DSP: variants seen among roughly 807,000 people sequenced by gnomAD.
DSP encodes 250/210 kDa paraneoplastic pemphigus antigen.
DSP carries 114 observed loss-of-function variants against 290.6 expected under a neutral mutation model. The ratio of observed to expected loss-of-function variants is 0.39; its 90% CI spans 0.34 to 0.46. The LOEUF (loss-of-function observed/expected upper bound fraction) is 0.46. Ranked by LOEUF, DSP falls within the 20% of genes least tolerant of loss-of-function variation. The pLI is 0.99. For missense variants in DSP, 3,230 were observed against 3,495.8 expected (o/e 0.92, Z 1.92); for synonymous variants, 1,311 against 1,316.4 (o/e 1.00, Z 0.09).
chr6:7,545,156 T>A (rs990414538), intron 1 of DSP, among the ~76,000 whole-genome samples: 2 of 152,240 alleles, frequency 1.3e-5, no homozygotes, highest in Admixed American at 6.5e-5. Context: ...GGTTATAATA[T>A]TAATGCTTAT....
intron 4 of DSP, among the ~76,000 whole-genome samples, chr6:7,561,096 C>T (rs956742082): frequency 2.0e-5 from 3 of 151,970 alleles, no homozygotes; most frequent in Non-Finnish European, 2.9e-5. Context: ...GGACTACAGG[C>T]GTGTGCCACC....
intron 4 of DSP, among the ~76,000 whole-genome samples, chr6:7,560,230 G>A (rs985183275): frequency 2.0e-5 from 3 of 152,306 alleles, no homozygotes; most frequent in Admixed American, 6.5e-5. Context: ...TTGTAAGAAA[G>A]CTTGGTTTGA....
intron 1 of DSP, among the ~76,000 whole-genome samples, chr6:7,549,977 G>GT (rs577152256): frequency 1.9e-4 from 29 of 150,192 alleles, no homozygotes; most frequent in African/African-American, 7.0e-4. Context: ...TATTTGTCTT[G>GT]TTTTTTTGTG....
intron 4 of DSP, among the ~76,000 whole-genome samples, chr6:7,560,461 T>A (rs1758645698): frequency 6.6e-6 from 1 of 152,142 alleles, no homozygotes; most frequent in African/African-American, 2.4e-5. Context: ...TAAATACAAA[T>A]CTATTTGTAT....
intron 6 of DSP, among the ~76,000 whole-genome samples, chr6:7,564,684 T>C (rs1238107954): frequency 6.6e-6 from 1 of 152,214 alleles, no homozygotes; most frequent in African/African-American, 2.4e-5. Context: ...ATATTTGTAA[T>C]GTTCCCAACA....
intron 15 of DSP, among the ~76,000 whole-genome samples, chr6:7,573,429 T>A (rs1204399586): frequency 6.6e-6 from 1 of 151,954 alleles, no homozygotes; most frequent in Non-Finnish European, 1.5e-5. Flanking sequence ...AGTACAAAAA[T>A]TAGCTGGGTG....
In DSP at chr6:7,581,368, C is replaced by A. The variant is rs147415451; in HGVS notation, c.5178C>A (p.Asn1726Lys). The A allele has an allele frequency of 5.5e-4, 894 of 1,614,184 alleles. 1 individual carries two copies. The highest frequency in any genetic ancestry group is 3.3e-3 in the South Asian group (298 of 91,082). The change falls in exon 23 of 24, where the codon AAC (asparagine) becomes AAA (lysine). Residue 1726 changes from asparagine (N) to lysine (K), a missense_variant. Asn to Lys is a moderately conservative substitution (Grantham distance 94). This residue lies in a region of DSP where 1,714 missense variants were observed against 1,844.5 expected (regional missense o/e 0.93). Coordinates refer to ENST00000379802, the MANE Select transcript of DSP (RefSeq NM_004415.4). The stretch of plus-strand genomic sequence containing the variant: ...TGATGTTAGAAGAAGAACTGCGGAA[C>A]CTGAGGCTGGAGTACGATGACCTGA... ...EHLMLEEELR[N>K]LRLEYDDLRR...
intron 1 of DSP, among the ~76,000 whole-genome samples, chr6:7,542,429 C>T (rs1211829661): frequency 6.6e-6 from 1 of 152,132 alleles, no homozygotes; most frequent in East Asian, 1.9e-4. Flanking sequence ...GGAGGTCAGG[C>T]GAGGTGGGGC....
In DSP at chr6:7,559,336, C is replaced by T; in HGVS notation, c.533C>T (p.Ser178Phe). Residue 178 changes from serine (S) to phenylalanine (F), a missense_variant, in exon 4 of 24, where the codon TCT becomes TTT. This residue lies in a region of DSP where 646 missense variants were observed against 684.3 expected (regional missense o/e 0.94). Coordinates refer to ENST00000379802, the MANE Select transcript of DSP (RefSeq NM_004415.4). ...GGAGGCTACACTTGTCAGAGTGGCTCTGGCTGGGATGAGTTCACCAAACAT... is the reference window on the plus strand; with the variant it reads ...GGAGGCTACACTTGTCAGAGTGGCTTTGGCTGGGATGAGTTCACCAAACAT... ...GGGGYTCQSG[S>F]GWDEFTKHVT... 1 of 1,613,714 alleles carries T rather than the reference C, an allele frequency of 6.2e-7. No individual in the cohort carries two copies. Among genetic ancestry groups the T allele is most frequent in the South Asian group, 1.1e-5 (1 of 91,050 alleles).
Position 7,576,352 on chromosome 6 carries a change from G to A in DSP, c.2689G>A (p.Ala897Thr). ...GAGGAATTATCGTGATAACTATCAGGCTTTCTGCAAGTGGCTCTATGATGC... is the reference window on the plus strand; with the variant it reads ...GAGGAATTATCGTGATAACTATCAGACTTTCTGCAAGTGGCTCTATGATGC... ...QLRNYRDNYQ[A>T]FCKWLYDAKR... Residue 897 changes from alanine to threonine, a missense_variant, in exon 19 of 24, where the codon GCT becomes ACT. Ala to Thr is a moderately conservative substitution (Grantham distance 58). Transcript: ENST00000379802. The A allele has an allele frequency of 6.2e-7, 1 of 1,614,098 alleles. No homozygotes were observed. The highest frequency in any genetic ancestry group is 1.1e-5 in the South Asian group (1 of 91,084).
chr6:7,569,106 C>G, intron 11 of DSP, 80 bp from the exon 12 acceptor site: 1 of 1,592,414 alleles, frequency 6.3e-7, no homozygotes, highest in Non-Finnish European at 8.6e-7. Context: ...ATGTGTTCAT[C>G]TCTGTTTCCA....
At chr6:7,555,859 T>C in intron 2 of DSP, 39 bp downstream of exon 2, 5 of 1,587,840 alleles carry the variant, frequency 3.1e-6, no homozygotes, top group Non-Finnish European at 4.3e-6. Context: ...CCCAAAGCCT[T>C]GGCCACACCC....
chr6:7,582,594 A>G lies in DSP; in HGVS notation c.5380-48A>G. ...AGTTAAGTCGTGATAGTAATATGAT[A>G]TGATTCAAAACATTATTTTTTCCCA... On this transcript the variant is annotated intron_variant, in intron 23 of 23. Coordinates refer to ENST00000379802, the MANE Select transcript of DSP (RefSeq NM_004415.4). This position sits in a 1 kb window ranked among gnomAD's most constrained non-coding sequence, Gnocchi z 4.2. 2 of 1,491,002 alleles carry G rather than the reference A, an allele frequency of 1.3e-6. No homozygotes were observed. Among genetic ancestry groups the G allele is most frequent in the Non-Finnish European group, 1.9e-6 (2 of 1,069,778 alleles). 92.4% of individuals were successfully genotyped at this position (1,491,002 alleles called of 1,614,324 possible). A position where few individuals can be genotyped will look rare whatever the true frequency, so the allele number is the denominator to read the frequency against.
Position 7,584,738 on chromosome 6 carries a change from C to G in DSP, c.7476C>G (p.Thr2492=), listed in dbSNP as rs1216559580. The change falls in exon 24 of 24, where the codon ACC becomes ACG. Residue 2492 remains threonine (T), a synonymous_variant. Coordinates refer to ENST00000379802, the MANE Select transcript of DSP (RefSeq NM_004415.4). This position sits in a 1 kb window ranked among gnomAD's most constrained non-coding sequence, Gnocchi z 6.4. The part of the protein sequence containing the change: ...AYKKGLIDYE[T]FKELCEQECE... ...AGAAGGGCCTAATTGATTATGAAAC[C>G]TTCAAAGAACTGTGTGAGCAGGAAT... The G allele has an allele frequency of 6.2e-7, 1 of 1,614,182 alleles. No individual in the cohort carries two copies. The highest frequency in any genetic ancestry group is 1.1e-5 in the South Asian group (1 of 91,082).
chr6:7,556,832 A>G (rs765467038), intron 2 of DSP, among the ~76,000 whole-genome samples: 2 of 152,096 alleles, frequency 1.3e-5, no homozygotes, highest in Non-Finnish European at 2.9e-5. Context: ...TTTGAAACAT[A>G]CTCCTTGAAA....
intron 9 of DSP, 56 bp downstream of exon 9, chr6:7,567,505 T>C: frequency 7.1e-7 from 1 of 1,415,878 alleles, no homozygotes; most frequent in Admixed American, 1.7e-5. Flanking sequence ...CCTAATCTTT[T>C]GAGTGTGTTT....
chr6:7,566,495 G>A lies in DSP; in HGVS notation c.1044+14G>A. 1 of 1,605,914 alleles carries A rather than the reference G, an allele frequency of 6.2e-7. No homozygotes were observed. Among genetic ancestry groups the A allele is most frequent in the Non-Finnish European group, 8.5e-7 (1 of 1,174,054 alleles). Reference sequence around the variant, plus strand: ...GACAAAATTGAGGTAGGCTTCATGAGGTTTATATTTTTGTTAGAAAAAAAA... The same window carrying A: ...GACAAAATTGAGGTAGGCTTCATGAAGTTTATATTTTTGTTAGAAAAAAAA... On this transcript the variant is annotated intron_variant, in intron 8 of 23. Transcript: ENST00000379802.
intron 1 of DSP, among the ~76,000 whole-genome samples, chr6:7,554,969 G>GT (rs1465677450): frequency 1.3e-5 from 2 of 152,136 alleles, no homozygotes; most frequent in African/African-American, 4.8e-5. Context: ...TTTTTGTAGA[G>GT]TAAGCTTTTT....
intron 1 of DSP, among the ~76,000 whole-genome samples, chr6:7,554,125 A>C (rs74692364): frequency 1.9e-3 from 270 of 144,364 alleles, no homozygotes; most frequent in African/African-American, 3.6e-3. Context: ...ACACACACAC[A>C]CCCAGTTGGT....
Sources: allele counts gnomAD v4.1 joint callset (sites outside exome capture counted in the v4.1 genomes callset), GRCh38; gene constraint gnomAD v4.1.1; regional missense constraint gnomAD v4.1.1; non-coding constraint Gnocchi (gnomAD v3.1); transcripts MANE v1.5; gene names NCBI Gene and HGNC (gene_info 2026-07-23, HGNC 2026-07-21).